CAMTA1: variants seen among roughly 807,000 people sequenced by gnomAD.
CAMTA1 encodes the protein calmodulin-binding transcription activator 1.
Under a neutral mutation model 170.9 loss-of-function variants are expected in CAMTA1, and 27 were observed. The observed-to-expected ratio is 0.16, with a 90% confidence interval of 0.12 to 0.22. CAMTA1 has a LOEUF of 0.22. Among genes scored for constraint, CAMTA1 ranks in the 10% least tolerant of loss-of-function variants. The pLI is 1.00. For synonymous variants in CAMTA1, 833 were observed against 891.5 expected, an observed-to-expected ratio of 0.93 and a Z score of 1.17; for missense variants, 1,619 against 2,217.2, an observed-to-expected ratio of 0.73 and a Z score of 5.42.
At chr1:7,478,939 G>T (rs999202028) in intron 6 of CAMTA1, among the ~76,000 whole-genome samples, 2 of 152,220 alleles carry the variant, frequency 1.3e-5, no homozygotes, top group Non-Finnish European at 2.9e-5. Context: ...TTTGCCTCAA[G>T]GAAACACTTT....
At chr1:7,759,444 T>C (rs1048769607) in intron 22 of CAMTA1, among the ~76,000 whole-genome samples, 5 of 152,194 alleles carry the variant, frequency 3.3e-5, no homozygotes, top group Admixed American at 3.3e-4. Flanking sequence ...CAGGCCTACC[T>C]CTTAATTTAT....
In CAMTA1 at chr1:7,534,142, A is replaced by G. The variant is rs999597197; in HGVS notation, c.510+66241A>G. Among the ~76,000 whole-genome samples the G allele has an allele frequency of 6.6e-6, 1 of 152,114 alleles. No individual in the cohort carries two copies. Among genetic ancestry groups the G allele is most frequent in the Non-Finnish European group, 1.5e-5 (1 of 68,018 alleles). ...CGCCCGCCAGGCCCCTGGCAGCCTC[A>G]TATCTGCCAATACAAAGCCATACAT... On this transcript the variant is annotated intron_variant, in intron 6 of 22. Coordinates refer to ENST00000303635, the MANE Select transcript of CAMTA1 (RefSeq NM_015215.4). The surrounding 1 kb of genome is among the most constrained non-coding windows in gnomAD (Gnocchi z 5.6).
At chr1:7,676,569 C>T (rs2149268262) in intron 10 of CAMTA1, among the ~76,000 whole-genome samples, 1 of 152,224 alleles carries the variant, frequency 6.6e-6, no homozygotes, top group East Asian at 1.9e-4. Context: ...TTCCTCGACT[C>T]TATAAGCTTC....
At chr1:7,419,658 G>A (rs531359478) in intron 5 of CAMTA1, among the ~76,000 whole-genome samples, 149 of 152,186 alleles carry the variant, frequency 9.8e-4, no homozygotes, top group African/African-American at 3.3e-3. Flanking sequence ...CCTAAGTGTC[G>A]ACTCATCCTC....
chr1:6,831,977 T>C (rs1018806280), intron 3 of CAMTA1, among the ~76,000 whole-genome samples: 7 of 152,174 alleles, frequency 4.6e-5, no homozygotes, highest in African/African-American at 7.2e-5. Context: ...GAGTACTTTT[T>C]CCCCCTAACT....
rs563603759 is a variant in CAMTA1 at position 6,965,209 on chromosome 1, CTT to C, written c.235-126093_235-126092del. 2.0e-3 allele frequency among the ~76,000 whole-genome samples: 305 copies of C among 152,046 alleles called. 3 individuals carry two copies. The highest frequency in any genetic ancestry group is 6.8e-3 in the African/African-American group (284 of 41,460). ...TATGAGCATGAGTGTGTGTGTATGA[CTT>C]TGTGTGCTTGTGTGTGTCTGTGCAT... is the stretch of plus-strand genomic sequence containing the variant. On this transcript the variant is annotated intron_variant, in intron 3 of 22. Coordinates refer to ENST00000303635, the MANE Select transcript of CAMTA1 (RefSeq NM_015215.4). The surrounding 1 kb of genome is among the most constrained non-coding windows in gnomAD (Gnocchi z 4.1).
chr1:7,309,785 C>T (rs1676183660), intron 5 of CAMTA1, among the ~76,000 whole-genome samples: 1 of 151,966 alleles, frequency 6.6e-6, no homozygotes, highest in African/African-American at 2.4e-5. Context: ...TTAGAATCAA[C>T]ATTTACCACT....
At chr1:7,448,582 T>C (rs1194629007) in intron 5 of CAMTA1, among the ~76,000 whole-genome samples, 2 of 152,128 alleles carry the variant, frequency 1.3e-5, no homozygotes, top group Non-Finnish European at 2.9e-5. Flanking sequence ...AAAACAGAGA[T>C]TTATTTCCCA....
In CAMTA1 at chr1:6,962,778, A is replaced by T. The variant is rs1462655100; in HGVS notation, c.235-128526A>T. Among the ~76,000 whole-genome samples the T allele has an allele frequency of 3.1e-5, 4 of 127,662 alleles. No individual in the cohort carries two copies. The East Asian group carries it at 9.3e-4, about 30-fold the overall frequency. 83.8% of individuals were successfully genotyped at this position (127,662 alleles called of 152,430 possible). A position where few individuals can be genotyped will look rare whatever the true frequency, so the allele number is the denominator to read the frequency against. On this transcript the variant is annotated intron_variant, in intron 3 of 22. Coordinates refer to ENST00000303635, the MANE Select transcript of CAMTA1 (RefSeq NM_015215.4). ...GTCCTTGCCCACCGAGCTCCTCTGG[A>T]CCCACCCCTCTTTTTGGGCCCGCAC... is the stretch of plus-strand genomic sequence containing the variant.
intron 6 of CAMTA1, among the ~76,000 whole-genome samples, chr1:7,515,544 G>A (rs1190107579): frequency 6.6e-6 from 1 of 152,132 alleles, no homozygotes; most frequent in Admixed American, 6.5e-5. Flanking sequence ...GCACAGCTGA[G>A]TTTAAACCCG....
intron 4 of CAMTA1, among the ~76,000 whole-genome samples, chr1:7,105,065 T>C (rs1166052550): frequency 6.6e-6 from 1 of 152,214 alleles, no homozygotes; most frequent in African/African-American, 2.4e-5. Context: ...GGTGCTTAAT[T>C]TCTTTACCCA....
intron 5 of CAMTA1, among the ~76,000 whole-genome samples, chr1:7,261,792 A>G (rs897773382): frequency 1.3e-5 from 2 of 152,258 alleles, no homozygotes; most frequent in African/African-American, 2.4e-5. Context: ...ACAGGCTTAC[A>G]GTGACATTAA....
chr1:7,337,168 G>T (rs946099773), intron 5 of CAMTA1, among the ~76,000 whole-genome samples: 4 of 152,184 alleles, frequency 2.6e-5, no homozygotes, highest in African/African-American at 9.7e-5. Context: ...GGTTCTAGGA[G>T]GCCTGGCTTA....
intron 3 of CAMTA1, among the ~76,000 whole-genome samples, chr1:6,861,421 CAT>C (rs1244503728): frequency 6.6e-6 from 1 of 152,152 alleles, no homozygotes; most frequent in Non-Finnish European, 1.5e-5. Flanking sequence ...ATCTCTAACC[CAT>C]ACTTCTTCAG....
At chr1:7,546,784 T>C (rs1212465174) in intron 6 of CAMTA1, among the ~76,000 whole-genome samples, 1 of 152,244 alleles carries the variant, frequency 6.6e-6, no homozygotes, top group African/African-American at 2.4e-5. Flanking sequence ...ATATGCTTGT[T>C]GGCTGGACGA....
At chr1:7,160,288 A>G (rs768308028) in intron 4 of CAMTA1, among the ~76,000 whole-genome samples, 1 of 152,056 alleles carries the variant, frequency 6.6e-6, no homozygotes, top group African/African-American at 2.4e-5. Flanking sequence ...CCTATCATAT[A>G]TCCTTTCTAT....
intron 3 of CAMTA1, among the ~76,000 whole-genome samples, chr1:6,885,524 G>A (rs115284556): frequency 2.0e-5 from 3 of 152,282 alleles, no homozygotes; most frequent in African/African-American, 7.2e-5. Flanking sequence ...AACCAGCATA[G>A]CCAGCGTAGC....
intron 5 of CAMTA1, among the ~76,000 whole-genome samples, chr1:7,320,796 C>T (rs1678298351): frequency 6.6e-6 from 1 of 151,988 alleles, no homozygotes; most frequent in African/African-American, 2.4e-5. Flanking sequence ...AAGGCTAATC[C>T]CAGTTACACA....
At chr1:7,430,331 G>A (rs2092097562) in intron 5 of CAMTA1, among the ~76,000 whole-genome samples, 1 of 152,004 alleles carries the variant, frequency 6.6e-6, no homozygotes, top group Admixed American at 6.6e-5. Context: ...TGGCAGTGGT[G>A]ATGACAGCAA....
Sources: allele counts gnomAD v4.1 joint callset (sites outside exome capture counted in the v4.1 genomes callset), GRCh38; gene constraint gnomAD v4.1.1; non-coding constraint Gnocchi (gnomAD v3.1); transcripts MANE v1.5; gene names NCBI Gene and HGNC (gene_info 2026-07-23, HGNC 2026-07-21).